CSMD2: variants seen among roughly 807,000 people sequenced by gnomAD.
CSMD2 encodes CUB and Sushi multiple domains 2.
A neutral mutation model predicts 398.5 loss-of-function variants in CSMD2; 130 were observed. The observed-to-expected ratio is 0.33, with a 90% CI of 0.28 to 0.38. CSMD2 has a LOEUF of 0.38. Ranked by LOEUF, CSMD2 falls within the 10% of genes least tolerant of loss-of-function variation. The probability of loss-of-function intolerance (pLI) is 1.00; values close to 1 mark genes in which losing one functional copy is unlikely to be tolerated. For synonymous variants in CSMD2, 1,828 were observed against 1,908.5 expected (o/e 0.96, Z 1.10); for missense variants, 3,829 against 4,764.9 (o/e 0.80, Z 5.78).
intron 21 of CSMD2, among the ~76,000 whole-genome samples, chr1:33,712,434 C>G (rs899443901): frequency 6.6e-6 from 1 of 152,200 alleles, no homozygotes; most frequent in African/African-American, 2.4e-5. Context: ...ATTTGCATGG[C>G]GACTGGGAGC....
At chr1:34,138,332 C>T (rs1638953491) in intron 1 of CSMD2, among the ~76,000 whole-genome samples, 1 of 152,160 alleles carries the variant, frequency 6.6e-6, no homozygotes, top group Admixed American at 6.5e-5. Flanking sequence ...ACAAGCTTGT[C>T]ACTAAGGTAA....
In CSMD2 at chr1:34,165,210, C is replaced by T. The variant is rs1641775191; in HGVS notation, c.-113G>A. The T allele has an allele frequency of 2.6e-6, 3 of 1,166,306 alleles. No homozygotes were observed. Among genetic ancestry groups the T allele is most frequent in the Non-Finnish European group, 3.2e-6 (3 of 946,272 alleles). 72.2% of individuals were successfully genotyped at this position (1,166,306 alleles called of 1,614,324 possible). A position where few individuals can be genotyped will look rare whatever the true frequency, so the allele number is the denominator to read the frequency against. ...GAAAAAATCCCGGTACGCGGGAGCC[C>T]TGAGCTTCTGCGGCTGGAATGAACC... On this transcript the variant is annotated 5_prime_UTR_variant, in exon 1 of 71. Coordinates refer to ENST00000373381, the MANE Select transcript of CSMD2 (RefSeq NM_001281956.2).
intron 55 of CSMD2, among the ~76,000 whole-genome samples, chr1:33,551,078 G>A (rs1349489372): frequency 6.6e-6 from 1 of 152,200 alleles, no homozygotes; most frequent in Non-Finnish European, 1.5e-5. Flanking sequence ...ACTTTGAGAA[G>A]TTACTTGAAT....
intron 19 of CSMD2, among the ~76,000 whole-genome samples, chr1:33,719,891 T>A (rs1169513381): frequency 6.6e-6 from 1 of 152,160 alleles, no homozygotes; most frequent in African/African-American, 2.4e-5. Context: ...TTCCCTTTGC[T>A]CAACTCATCT....
intron 6 of CSMD2, among the ~76,000 whole-genome samples, chr1:33,841,850 G>A (rs963607252): frequency 1.3e-5 from 2 of 152,152 alleles, no homozygotes; most frequent in Non-Finnish European, 2.9e-5. Context: ...TAGTCTCCAA[G>A]GAACCCAATT....
intron 67 of CSMD2, among the ~76,000 whole-genome samples, chr1:33,522,660 C>T (rs961003327): frequency 5.3e-5 from 8 of 152,198 alleles, no homozygotes; most frequent in African/African-American, 1.9e-4. Context: ...CTACCATGAC[C>T]TCTCGCTTCA....
chr1:33,758,355 G>C (rs1426481828), intron 13 of CSMD2, among the ~76,000 whole-genome samples: 1 of 152,196 alleles, frequency 6.6e-6, no homozygotes, highest in African/African-American at 2.4e-5. Flanking sequence ...ACACTAGCTT[G>C]AGGGCTGTGG....
chr1:33,716,308 T>G lies in CSMD2; in HGVS notation c.3195A>C (p.Glu1065Asp), dbSNP rs1157616138. 5 of 1,614,028 alleles carry G rather than the reference T, an allele frequency of 3.1e-6. No individual in the cohort carries two copies. In the African/African-American group the frequency reaches 6.7e-5, roughly 22 times the overall value. ...RFISDFSMSY[E>D]GFNITFSEYD... is the part of the protein sequence containing the mutation. The stretch of plus-strand genomic sequence containing the variant: ...TACCTGAGAAGGTGATGTTGAATCC[T>G]TCATATGACATGGAGAAATCAGAGA... Residue 1065 changes from glutamate to aspartate, a missense_variant, in exon 20 of 71, where the codon GAA (glutamate) becomes GAC (aspartate). This residue lies in a region of CSMD2 where 2,001 missense variants were observed against 2,567.1 expected (regional missense o/e 0.78). Coordinates refer to ENST00000373381, the MANE Select transcript of CSMD2 (RefSeq NM_001281956.2).
intron 25 of CSMD2, among the ~76,000 whole-genome samples, chr1:33,683,966 C>A (rs977664558): frequency 6.6e-6 from 1 of 152,326 alleles, no homozygotes. Flanking sequence ...AGCTGCTGAA[C>A]CTGTGGCCAT....
chr1:33,816,286 G>C (rs1657454708), intron 9 of CSMD2, among the ~76,000 whole-genome samples: 1 of 152,176 alleles, frequency 6.6e-6, no homozygotes, highest in Non-Finnish European at 1.5e-5. Flanking sequence ...AACTGTAAGA[G>C]TTTCATCTGG....
chr1:33,988,110 ATC>A (rs1363519308), intron 3 of CSMD2, among the ~76,000 whole-genome samples: 3 of 152,298 alleles, frequency 2.0e-5, no homozygotes, highest in Non-Finnish European at 4.4e-5. Flanking sequence ...TCATTTGTTC[ATC>A]TCTGTCTCCC....
intron 3 of CSMD2, among the ~76,000 whole-genome samples, chr1:33,959,175 C>T (rs1645266359): frequency 6.6e-6 from 1 of 152,194 alleles, no homozygotes; most frequent in Non-Finnish European, 1.5e-5. Flanking sequence ...ACTATGGATG[C>T]TTCTCTTTGT....
In CSMD2 at chr1:33,635,176, T is replaced by C. The variant is rs1420454935; in HGVS notation, c.5086+38A>G. Reference sequence around the variant, plus strand: ...CTCATTTTGGAATGAGGGTGAGGAGTCAGAAAACATATGAACAACAACAAC... The same window carrying C: ...CTCATTTTGGAATGAGGGTGAGGAGCCAGAAAACATATGAACAACAACAAC... On this transcript the variant is annotated intron_variant, in intron 31 of 70. Coordinates refer to ENST00000373381, the MANE Select transcript of CSMD2 (RefSeq NM_001281956.2). The surrounding 1 kb of genome is among the most constrained non-coding windows in gnomAD (Gnocchi z 5.0). 4 of 1,297,962 alleles carry C rather than the reference T, an allele frequency of 3.1e-6. No homozygotes were observed. In the Admixed American group the frequency reaches 5.2e-5, roughly 17 times the overall value. 80.4% of individuals were successfully genotyped at this position (1,297,962 alleles called of 1,614,324 possible).
intron 62 of CSMD2, among the ~76,000 whole-genome samples, chr1:33,535,166 A>G (rs957925770): frequency 6.6e-6 from 1 of 152,236 alleles, no homozygotes; most frequent in African/African-American, 2.4e-5. Context: ...AAAATAATAT[A>G]TGGAACACAT....
intron 3 of CSMD2, among the ~76,000 whole-genome samples, chr1:34,004,989 G>A (rs1003515034): frequency 6.6e-6 from 1 of 152,186 alleles, no homozygotes; most frequent in Non-Finnish European, 1.5e-5. Context: ...AATTACCCCT[G>A]AAGACAATGG....
At chr1:34,159,340 C>CGG (rs1384082926) in intron 1 of CSMD2, among the ~76,000 whole-genome samples, 1,252 of 124,212 alleles carry the variant, frequency 0.01, 10 homozygotes, top group Non-Finnish European at 0.015. Context: ...CCCCCCCCCA[C>CGG]CCAGGAGCTT....
chr1:33,813,682 G>A (rs945424139), intron 9 of CSMD2, among the ~76,000 whole-genome samples: 4 of 152,018 alleles, frequency 2.6e-5, no homozygotes, highest in African/African-American at 9.7e-5. Flanking sequence ...AGCCAGTTCT[G>A]ACACTGAAAC....
At chr1:33,803,372 C>T (rs955248617) in intron 10 of CSMD2, among the ~76,000 whole-genome samples, 2 of 152,190 alleles carry the variant, frequency 1.3e-5, no homozygotes, top group South Asian at 2.1e-4. Context: ...AGTTTCCATC[C>T]AGTATATCCA....
At chr1:33,688,685 G>A (rs188087515) in intron 25 of CSMD2, among the ~76,000 whole-genome samples, 6 of 151,936 alleles carry the variant, frequency 3.9e-5, no homozygotes, top group East Asian at 1.9e-4. Context: ...GCGTGATGGC[G>A]CTTGCCTGTA....
Sources: allele counts gnomAD v4.1 joint callset (sites outside exome capture counted in the v4.1 genomes callset), GRCh38; gene constraint gnomAD v4.1.1; regional missense constraint gnomAD v4.1.1; non-coding constraint Gnocchi (gnomAD v3.1); transcripts MANE v1.5; gene names NCBI Gene and HGNC (gene_info 2026-07-23, HGNC 2026-07-21).